The following ACBD6 variants were observed in gnomAD, a reference collection of about 807,000 sequenced individuals.
ACBD6 encodes the protein acyl-CoA binding domain containing 6.
Under a neutral mutation model 37.2 loss-of-function variants are expected in ACBD6, and 28 were observed. That is an observed-to-expected ratio of 0.75 (90% CI 0.56 to 1.03). ACBD6 has a LOEUF of 1.03. Among genes scored for constraint, ACBD6 ranks in the 50% least tolerant of loss-of-function variants. The pLI, the probability that ACBD6 is intolerant of heterozygous loss-of-function variation, is 0.00. For synonymous variants in ACBD6, 113 were observed against 126.8 expected, an observed-to-expected ratio of 0.89 and a Z score of 0.73; for missense variants, 340 against 337.4, an observed-to-expected ratio of 1.01 and a Z score of -0.06.
chr1:180,362,348 A>G lies in ACBD6; in HGVS notation c.663+35168T>C, dbSNP rs978665056. ...GGGAAATCCTCAGGCTGCTAGTGCCACTTTACTAACTGCTATGTTTTGAGT... is the reference window on the plus strand; with the variant it reads ...GGGAAATCCTCAGGCTGCTAGTGCCGCTTTACTAACTGCTATGTTTTGAGT... On this transcript the variant is annotated intron_variant, in intron 6 of 7. Coordinates refer to ENST00000367595, the MANE Select transcript of ACBD6 (RefSeq NM_032360.4). Among the ~76,000 whole-genome samples the G allele has an allele frequency of 2.6e-5, 4 of 152,220 alleles. No homozygotes were observed. The East Asian group carries it at 7.7e-4, about 29-fold the overall frequency.
chr1:180,376,239 T>G lies in ACBD6; in HGVS notation c.663+21277A>C, dbSNP rs575931552. The stretch of plus-strand genomic sequence containing the variant: ...TATGAACTGGTAGTGGGAATATAAA[T>G]TAGTAAACCCTTCTAGAGGGAAATT... On this transcript the variant is annotated intron_variant, in intron 6 of 7. Coordinates refer to ENST00000367595, the MANE Select transcript of ACBD6 (RefSeq NM_032360.4). 3.9e-5 allele frequency among the ~76,000 whole-genome samples: 6 copies of G among 152,264 alleles called. No individual in the cohort carries two copies. The South Asian group carries it at 1.2e-3, about 32-fold the overall frequency.
intron 7 of ACBD6, among the ~76,000 whole-genome samples, chr1:180,305,380 T>C (rs1035020821): frequency 2.6e-5 from 4 of 151,936 alleles, no homozygotes; most frequent in East Asian, 3.9e-4. Flanking sequence ...CCAGAATCTA[T>C]AATGAACTCA....
intron 3 of ACBD6, among the ~76,000 whole-genome samples, chr1:180,441,162 CTAAGACAGT>C (rs1277841027): frequency 1.3e-5 from 2 of 152,142 alleles, no homozygotes; most frequent in African/African-American, 4.8e-5. Context: ...TAGCAGCAAT[CTAAGACAGT>C]TCCAATGTCT....
At chr1:180,410,133 A>G (rs893384156) in intron 5 of ACBD6, among the ~76,000 whole-genome samples, 2 of 152,262 alleles carry the variant, frequency 1.3e-5, no homozygotes, top group African/African-American at 4.8e-5. Flanking sequence ...CTTCAAGTCT[A>G]TGAAGGTTGA....
At chr1:180,465,412 G>C (rs1224785080) in intron 3 of ACBD6, among the ~76,000 whole-genome samples, 1 of 151,254 alleles carries the variant, frequency 6.6e-6, no homozygotes, top group African/African-American at 2.4e-5. Flanking sequence ...TGAAAGAAAA[G>C]CTCAACATCA....
intron 6 of ACBD6, among the ~76,000 whole-genome samples, chr1:180,330,560 C>A (rs976730869): frequency 3.9e-5 from 6 of 152,122 alleles, no homozygotes; most frequent in African/African-American, 1.4e-4. Flanking sequence ...ACAGTAAAAG[C>A]TAACTTAAAT....
chr1:180,284,999 C>G (rs529892293), downstream of ACBD6, among the ~76,000 whole-genome samples: 2 of 151,944 alleles, frequency 1.3e-5, no homozygotes, highest in African/African-American at 4.8e-5. Context: ...AGTTGAGCCT[C>G]GTGGTGTGCA....
chr1:180,289,038 TAAA>T (rs11353397), intron 7 of ACBD6, among the ~76,000 whole-genome samples: 13 of 102,914 alleles, frequency 1.3e-4, no homozygotes, highest in Non-Finnish European at 2.1e-4. Flanking sequence ...CTACAGGAAC[TAAA>T]AAAAAAAAAA....
At chr1:180,409,052 G>C (rs1421003680) in intron 5 of ACBD6, among the ~76,000 whole-genome samples, 5 of 151,932 alleles carry the variant, frequency 3.3e-5, no homozygotes, top group African/African-American at 1.2e-4. Context: ...AGCTACCTGG[G>C]GGCTGAGGTG....
At chr1:180,295,271 A>ATT (rs35514630) in intron 7 of ACBD6, among the ~76,000 whole-genome samples, 104 of 131,954 alleles carry the variant, frequency 7.9e-4, no homozygotes, top group African/African-American at 1.8e-3. Context: ...GCATCCTGCA[A>ATT]TTTTTTTTTT....
intron 3 of ACBD6, chr1:180,434,936 T>G: frequency 1.3e-6 from 1 of 786,292 alleles, no homozygotes; most frequent in Non-Finnish European, 2.3e-6. Flanking sequence ...CAGCCAACAT[T>G]GAGACCACCA....
At chr1:180,332,474 C>T (rs760105480) in intron 6 of ACBD6, among the ~76,000 whole-genome samples, 11 of 152,166 alleles carry the variant, frequency 7.2e-5, no homozygotes, top group South Asian at 2.1e-4. Context: ...CATCTGAGCT[C>T]TGCCTCTTGT....
intron 3 of ACBD6, among the ~76,000 whole-genome samples, chr1:180,451,970 T>C (rs1383368541): frequency 6.6e-6 from 1 of 152,172 alleles, no homozygotes; most frequent in Non-Finnish European, 1.5e-5. Context: ...TCAGGGGTCA[T>C]TTCTATCTGA....
chr1:180,349,297 T>C (rs145506453), intron 6 of ACBD6, among the ~76,000 whole-genome samples: 1,759 of 151,038 alleles, frequency 0.012, 29 homozygotes, highest in African/African-American at 0.039. Flanking sequence ...TCTCGCTCTG[T>C]CGCCCAGGCT....
chr1:180,432,398 C>T (rs1013576482), intron 3 of ACBD6, among the ~76,000 whole-genome samples: 1 of 151,910 alleles, frequency 6.6e-6, no homozygotes, highest in Non-Finnish European at 1.5e-5. Flanking sequence ...ATTCTTAAAA[C>T]TCAACACTAA....
At chr1:180,463,060 T>C (rs769852630) in intron 3 of ACBD6, among the ~76,000 whole-genome samples, 1 of 152,198 alleles carries the variant, frequency 6.6e-6, no homozygotes, top group Non-Finnish European at 1.5e-5. Context: ...ACCAGATCTC[T>C]AGGACACAGC....
At chr1:180,438,912 C>G (rs1649169089) in intron 3 of ACBD6, among the ~76,000 whole-genome samples, 1 of 152,090 alleles carries the variant, frequency 6.6e-6, no homozygotes, top group Non-Finnish European at 1.5e-5. Context: ...ACCTATTCAC[C>G]CTTCCCTCCC....
intron 5 of ACBD6, among the ~76,000 whole-genome samples, chr1:180,400,824 T>G (rs919984138): frequency 6.6e-6 from 1 of 152,174 alleles, no homozygotes; most frequent in Non-Finnish European, 1.5e-5. Flanking sequence ...CAAACACACC[T>G]AGACCACTAC....
intron 1 of ACBD6, among the ~76,000 whole-genome samples, chr1:180,500,012 C>T (rs1191888202): frequency 6.6e-6 from 1 of 151,760 alleles, no homozygotes; most frequent in East Asian, 1.9e-4. Flanking sequence ...CTTCAGGAGG[C>T]GTAAGCAGGA....
Sources: gnomAD v4.1 joint callset for allele counts (sites outside exome capture counted in the v4.1 genomes callset) on GRCh38, gnomAD v4.1.1 for gene constraint, MANE v1.5 for transcripts, NCBI Gene and HGNC (gene_info 2026-07-23, HGNC 2026-07-21) for gene names.